The following ZSCAN12 variants were observed in gnomAD, a reference collection of about 807,000 sequenced individuals.
ZSCAN12 encodes zinc finger and SCAN domain-containing protein 12.
In ZSCAN12, 18 loss-of-function variants were observed where a neutral mutation model predicts 23.4. The observed-to-expected ratio is 0.77, with a 90% CI of 0.53 to 1.14. ZSCAN12 has a LOEUF of 1.14. Ranked by LOEUF, ZSCAN12 falls within the 50% of genes most tolerant of loss-of-function variation. The pLI, the probability that ZSCAN12 is intolerant of heterozygous loss-of-function variation, is 0.00. For synonymous variants in ZSCAN12, 186 were observed against 253.4 expected (o/e 0.73, Z 2.53); for missense variants, 650 against 735.0 (o/e 0.88, Z 1.34).
chr6:28,398,887 C>CGCCAGTGA (rs1313557917), intron 1 of ZSCAN12, among the ~76,000 whole-genome samples: 6 of 145,460 alleles, frequency 4.1e-5, no homozygotes, highest in African/African-American at 1.3e-4. Context: ...GAGCCGAGAT[C>CGCCAGTGA]GCGCCACTGC....
intron 3 of ZSCAN12, among the ~76,000 whole-genome samples, chr6:28,392,509 T>C (rs1417177242): frequency 6.6e-6 from 1 of 151,916 alleles, no homozygotes; most frequent in Admixed American, 6.6e-5. Flanking sequence ...ATACAAATTT[T>C]TTTTTTCTTG....
Position 28,389,461 on chromosome 6 carries a change from C to T in ZSCAN12, c.*993G>A, listed in dbSNP as rs143819164. Among the ~76,000 whole-genome samples the T allele has an allele frequency of 1.1e-3, 169 of 152,276 alleles. No individual in the cohort carries two copies. The highest frequency in any genetic ancestry group is 3.8e-3 in the African/African-American group (156 of 41,550). ...GGACTGTGTTCAGGCTTCCCCACTTCGCAGACAGCCATGAAGTCAGCTGTC... is the reference window on the plus strand; with the variant it reads ...GGACTGTGTTCAGGCTTCCCCACTTTGCAGACAGCCATGAAGTCAGCTGTC... On this transcript the variant is annotated 3_prime_UTR_variant, in exon 4 of 4. Coordinates refer to ENST00000684592, the MANE Select transcript of ZSCAN12 (RefSeq NM_001163391.2).
chr6:28,384,652 T>C (rs1203198339), downstream of ZSCAN12, among the ~76,000 whole-genome samples: 1 of 152,204 alleles, frequency 6.6e-6, no homozygotes, highest in African/African-American at 2.4e-5. Context: ...AAAACACTTA[T>C]CATAGTTGGC....
In ZSCAN12 at chr6:28,386,879, G is replaced by A. The variant is rs915406649; in HGVS notation, c.*3575C>T. Reference sequence around the variant, plus strand: ...AGTCTTGCTCTGTCACCAGGCGGGAGAGCAGTGGTGCCATCTCAGCTCACT... The same window carrying A: ...AGTCTTGCTCTGTCACCAGGCGGGAAAGCAGTGGTGCCATCTCAGCTCACT... On this transcript the variant is annotated 3_prime_UTR_variant, in exon 4 of 4. Coordinates refer to ENST00000684592, the MANE Select transcript of ZSCAN12 (RefSeq NM_001163391.2). Among the ~76,000 whole-genome samples the A allele has an allele frequency of 1.1e-4, 17 of 152,136 alleles. No individual in the cohort carries two copies. The highest frequency in any genetic ancestry group is 4.1e-4 in the African/African-American group (17 of 41,432).
downstream of ZSCAN12, chr6:28,382,459 A>G (rs1053074810): frequency 1.3e-6 from 2 of 1,544,162 alleles, no homozygotes; most frequent in Non-Finnish European, 1.7e-6. Context: ...TGTTCTAGGC[A>G]CAGCCTTCTT....
In ZSCAN12 at chr6:28,392,926, C is replaced by T; in HGVS notation, c.523G>A (p.Glu175Lys). 1 of 1,552,194 alleles carries T rather than the reference C, an allele frequency of 6.4e-7. No homozygotes were observed. Among genetic ancestry groups the T allele is most frequent in the Non-Finnish European group, 8.7e-7 (1 of 1,147,084 alleles). The stretch of plus-strand genomic sequence containing the variant: ...CCTTGCTCCTGTTGGGATTCAAGTT[C>T]TGGAGATTCATACTTTGGCTGGGCT... ...MKAQPKYESP[E>K]LESQQEQVLD... The change falls in exon 3 of 4, where the codon GAA (glutamate) becomes AAA (lysine). Residue 175 changes from glutamate (E) to lysine (K), a missense_variant. By Grantham distance (56) the Glu-to-Lys change is moderately conservative. Coordinates refer to ENST00000684592, the MANE Select transcript of ZSCAN12 (RefSeq NM_001163391.2).
rs983960886 is a variant in ZSCAN12, at chr6:28,387,786, G to T, written c.*2668C>A. Among the ~76,000 whole-genome samples, 2 of 152,130 alleles carry T rather than the reference G, an allele frequency of 1.3e-5. No individual in the cohort carries two copies. The highest frequency in any genetic ancestry group is 2.4e-5 in the African/African-American group (1 of 41,400). On this transcript the variant is annotated 3_prime_UTR_variant, in exon 4 of 4. Transcript: ENST00000684592. Reference sequence around the variant, plus strand: ...GACAAAGAAGTTCCCAACCTCCTTGGACTCTTGCTGGCGCCCAGATGTCTG... The same window carrying T: ...GACAAAGAAGTTCCCAACCTCCTTGTACTCTTGCTGGCGCCCAGATGTCTG...
intron 2 of ZSCAN12, 149 bp from the exon 3 acceptor site, chr6:28,393,195 A>C: frequency 2.6e-6 from 2 of 771,656 alleles, no homozygotes; most frequent in Non-Finnish European, 4.0e-6. Context: ...GCCAATATAA[A>C]TGTCGCCTCC....
At position 28,390,783 on chromosome 6, in the gene ZSCAN12, C is replaced by A. The variant is rs1329251830; in HGVS notation, c.1507G>T (p.Gly503Trp). 1.9e-6 allele frequency: 3 copies of A among 1,602,632 alleles called. No homozygotes were observed. Among genetic ancestry groups the A allele is most frequent in the Non-Finnish European group, 2.6e-6 (3 of 1,174,116 alleles). ...GERPYKCDKC[G>W]KAFTQRSVLT... ...ACTGATCTTTGAGTAAACGCCTTCC[C>A]ACACTTATCACATTTATAGGGTCTT... The change falls in exon 4 of 4, where the codon GGG becomes TGG. Residue 503 changes from glycine (G) to tryptophan (W), a missense_variant. Transcript: ENST00000684592.
At chr6:28,384,053 G>A (rs1317408674), downstream of ZSCAN12, among the ~76,000 whole-genome samples, 1 of 78,872 alleles carries the variant, frequency 1.3e-5, no homozygotes, top group Admixed American at 1.2e-4. Flanking sequence ...ACTGAGGGAC[G>A]AGAGGTTAAA....
chr6:28,393,196 T>C (rs899981265), intron 2 of ZSCAN12, 150 bp from the exon 3 acceptor site: 1 of 772,888 alleles, frequency 1.3e-6, no homozygotes, highest in African/African-American at 1.8e-5. Context: ...CCAATATAAA[T>C]GTCGCCTCCT....
At chr6:28,395,224 C>T (rs1761046282) in intron 2 of ZSCAN12, among the ~76,000 whole-genome samples, 1 of 152,092 alleles carries the variant, frequency 6.6e-6, no homozygotes, top group South Asian at 2.1e-4. Context: ...CTTGAGCCAC[C>T]GTGCCTGGCC....
At chr6:28,395,363 T>G (rs1216353060) in intron 2 of ZSCAN12, among the ~76,000 whole-genome samples, 1 of 152,200 alleles carries the variant, frequency 6.6e-6, no homozygotes, top group Non-Finnish European at 1.5e-5. Context: ...AATCCTTAAC[T>G]TACTTTCTCT....
downstream of ZSCAN12, chr6:28,382,580 AG>A (rs577174271): frequency 2.1e-3 from 3,226 of 1,551,776 alleles, 6 homozygotes; most frequent in Non-Finnish European, 2.7e-3. Context: ...GTGATTTTTC[AG>A]AAGTATTTCC....
intron 2 of ZSCAN12, among the ~76,000 whole-genome samples, chr6:28,397,269 C>G (rs1761158286): frequency 6.6e-6 from 1 of 152,158 alleles, no homozygotes; most frequent in Non-Finnish European, 1.5e-5. Flanking sequence ...AAAATTGGCA[C>G]TGGTTGAGAA....
At chr6:28,382,302 C>A, downstream of ZSCAN12, 2 of 819,210 alleles carry the variant, frequency 2.4e-6, no homozygotes, top group South Asian at 2.6e-5. Flanking sequence ...CTTCTGACAG[C>A]TCTGTGAAGT....
At position 28,390,799 on chromosome 6, in the gene ZSCAN12, A is replaced by G. The variant is rs529483940; in HGVS notation, c.1491T>C (p.Tyr497=). 20 of 1,601,294 alleles carry G rather than the reference A, an allele frequency of 1.2e-5. No homozygotes were observed. The East Asian group carries it at 3.6e-4, about 29-fold the overall frequency. The change falls in exon 4 of 4, where the codon TAT becomes TAC. Residue 497 remains tyrosine, a synonymous_variant. Transcript: ENST00000684592. Reference sequence around the variant, plus strand: ...ACGCCTTCCCACACTTATCACATTTATAGGGTCTTTCTCCAGTGTGAATTC... The same window carrying G: ...ACGCCTTCCCACACTTATCACATTTGTAGGGTCTTTCTCCAGTGTGAATTC... The part of the protein sequence containing the change: ...HQRIHTGERP[Y]KCDKCGKAFT...
chr6:28,398,349 T>G lies in ZSCAN12; in HGVS notation c.57A>C (p.Val19=). 6.4e-7 allele frequency: 1 copy of G among 1,552,986 alleles called. No homozygotes were observed. The highest frequency in any genetic ancestry group is 1.2e-5 in the South Asian group (1 of 84,260). The change falls in exon 2 of 4, where the codon GTA becomes GTC. Residue 19 remains valine, a synonymous_variant. Transcript: ENST00000684592. ...TGGTATATTTCTCTTCCTCTATCTT[T>G]ACTTCCAAAGGTTCATCCTGGTCCA... ...AHMDQDEPLE[V]KIEEEKYTTR... is the part of the protein sequence containing the mutation.
rs554323535 is a variant in ZSCAN12 at position 28,386,687 on chromosome 6, T to C, written c.*3767A>G. ...CAATTAGTAGCCTTATTCTACTATA[T>C]TTCCTCTTTATCCTGGAAAGCTAGT... On this transcript the variant is annotated 3_prime_UTR_variant, in exon 4 of 4. Transcript: ENST00000684592. 6.6e-4 allele frequency among the ~76,000 whole-genome samples: 101 copies of C among 152,376 alleles called. No individual in the cohort carries two copies. The highest frequency in any genetic ancestry group is 2.3e-3 in the African/African-American group (97 of 41,596).
Sources: gnomAD v4.1 joint callset for allele counts (sites outside exome capture counted in the v4.1 genomes callset) on GRCh38, gnomAD v4.1.1 for gene constraint, MANE v1.5 for transcripts, NCBI Gene and HGNC (gene_info 2026-07-23, HGNC 2026-07-21) for gene names.